FARP1: variants seen among roughly 807,000 people sequenced by gnomAD.
FARP1 encodes FERM, ARHGEF and pleckstrin domain-containing protein 1.
A neutral mutation model predicts 128.8 loss-of-function variants in FARP1; 52 were observed. The ratio of observed to expected loss-of-function variants is 0.40; its 90% CI spans 0.32 to 0.51. FARP1 has a LOEUF of 0.51. Among genes scored for constraint, FARP1 ranks in the 20% least tolerant of loss-of-function variants. The probability of loss-of-function intolerance (pLI) is 0.45; values close to 1 mark genes in which losing one functional copy is unlikely to be tolerated. For missense variants in FARP1, 1,333 were observed against 1,367.9 expected (o/e 0.97, Z 0.40); for synonymous variants, 580 against 551.8 (o/e 1.05, Z -0.72).
At position 98,210,000 on chromosome 13, in the gene FARP1, CATA is replaced by C. The variant is rs557345136; in HGVS notation, c.-23-3210_-23-3208del. On this transcript the variant is annotated intron_variant, in intron 1 of 26. Transcript: ENST00000319562. ...TTCCATTGCAAATAATAATAATAAT[CATA>C]ATAATAATAGTAAAATAAAATTAAT... Among the ~76,000 whole-genome samples the C allele has an allele frequency of 4.1e-3, 618 of 149,516 alleles. 7 individuals are homozygous for C. The highest frequency in any genetic ancestry group is 0.015 in the African/African-American group (606 of 40,704).
At chr13:98,374,043 C>T (rs1188357458) in intron 5 of FARP1, among the ~76,000 whole-genome samples, 1 of 152,204 alleles carries the variant, frequency 6.6e-6, no homozygotes, top group East Asian at 1.9e-4. Flanking sequence ...TCTATGCATA[C>T]ATATGTACTT....
chr13:98,407,273 A>C (rs1891016139), intron 13 of FARP1: 1 of 152,610 alleles, frequency 6.6e-6, no homozygotes, highest in African/African-American at 2.4e-5. Context: ...AAATGTTTTA[A>C]CCTCTAGACA....
intron 2 of FARP1, among the ~76,000 whole-genome samples, chr13:98,338,087 TCAA>T (rs1887816733): frequency 6.6e-6 from 1 of 152,236 alleles, no homozygotes; most frequent in Non-Finnish European, 1.5e-5. Flanking sequence ...GCCCTGTTCC[TCAA>T]CTACTTTTTC....
At chr13:98,196,307 T>A (rs2139251117) in intron 1 of FARP1, among the ~76,000 whole-genome samples, 1 of 152,256 alleles carries the variant, frequency 6.6e-6, no homozygotes, top group South Asian at 2.1e-4. Context: ...CCAAGCACTC[T>A]GGCACCAGCC....
At chr13:98,375,693 A>G (rs1196747841) in intron 5 of FARP1, among the ~76,000 whole-genome samples, 2 of 152,006 alleles carry the variant, frequency 1.3e-5, no homozygotes, top group Non-Finnish European at 1.5e-5. Context: ...CAGTGGTGCA[A>G]TCTCGGCTCA....
intron 2 of FARP1, chr13:98,244,874 A>G (rs1485177557): frequency 1.4e-6 from 2 of 1,436,638 alleles, no homozygotes; most frequent in Non-Finnish European, 1.8e-6. Context: ...GAAGCTGCAT[A>G]CAGAGGGGCC....
rs1893241403 is a variant in FARP1, at chr13:98,452,378, T to C, written c.*4061T>C. On this transcript the variant is annotated 3_prime_UTR_variant, in exon 27 of 27. Coordinates refer to ENST00000319562, the MANE Select transcript of FARP1 (RefSeq NM_005766.4). Reference sequence around the variant, plus strand: ...ATTTAAAGCTTCATGAGGCAAGATATGTTCCAATTTAAAACACTAAGAAAT... The same window carrying C: ...ATTTAAAGCTTCATGAGGCAAGATACGTTCCAATTTAAAACACTAAGAAAT... The C allele has an allele frequency of 6.6e-6, 1 of 152,536 alleles. No individual in the cohort carries two copies. The highest frequency in any genetic ancestry group is 1.5e-5 in the Non-Finnish European group (1 of 68,034). The allele number at this position is 152,536 out of a possible 1,614,324, so 9.4% of individuals were successfully genotyped here.
chr13:98,335,788 G>T (rs764630270), intron 2 of FARP1, among the ~76,000 whole-genome samples: 1 of 152,202 alleles, frequency 6.6e-6, no homozygotes, highest in Non-Finnish European at 1.5e-5. Flanking sequence ...GATGAGATGG[G>T]TCGAGAGTTG....
At chr13:98,253,987 C>T (rs1276629505) in intron 2 of FARP1, among the ~76,000 whole-genome samples, 6 of 152,084 alleles carry the variant, frequency 3.9e-5, no homozygotes, top group East Asian at 1.9e-4. Context: ...TGGGGCTCAT[C>T]GCATAGTTAT....
chr13:98,174,058 C>CA (rs1204018980), intron 1 of FARP1, among the ~76,000 whole-genome samples: 1 of 152,162 alleles, frequency 6.6e-6, no homozygotes, highest in Non-Finnish European at 1.5e-5. Context: ...ATGTTTATTT[C>CA]ATACATTAAT....
chr13:98,289,145 G>A (rs1434109412), intron 2 of FARP1, among the ~76,000 whole-genome samples: 1 of 152,122 alleles, frequency 6.6e-6, no homozygotes, highest in African/African-American at 2.4e-5. Flanking sequence ...TTAGTCCTAT[G>A]CCAAGACTTG....
At chr13:98,278,699 A>C (rs35751160) in intron 2 of FARP1, among the ~76,000 whole-genome samples, 25,058 of 152,218 alleles carry the variant, frequency 0.16, 2,240 homozygotes, top group Non-Finnish European at 0.2. Flanking sequence ...TCACTTCTAC[A>C]TTTCTACCTT....
chr13:98,411,625 A>T (rs2140119636), intron 15 of FARP1, among the ~76,000 whole-genome samples: 1 of 152,342 alleles, frequency 6.6e-6, no homozygotes, highest in Non-Finnish European at 1.5e-5. Flanking sequence ...TGATTCGAGT[A>T]GTTCCCCATT....
chr13:98,307,245 T>G (rs1886206648), intron 2 of FARP1, among the ~76,000 whole-genome samples: 1 of 152,224 alleles, frequency 6.6e-6, no homozygotes, highest in African/African-American at 2.4e-5. Context: ...GAAGGCAGTT[T>G]GGGTTGATAT....
intron 2 of FARP1, among the ~76,000 whole-genome samples, chr13:98,335,186 T>G (rs1227799142): frequency 6.6e-6 from 1 of 152,246 alleles, no homozygotes; most frequent in Non-Finnish European, 1.5e-5. Context: ...ATTTAGCTGG[T>G]TATTTTTGTA....
chr13:98,189,837 G>A (rs969379860), intron 1 of FARP1, among the ~76,000 whole-genome samples: 3 of 152,178 alleles, frequency 2.0e-5, no homozygotes, highest in African/African-American at 4.8e-5. Context: ...GTTGAGATTT[G>A]TGATTTCTAT....
rs1409924362 is a variant in FARP1 at position 98,143,830 on chromosome 13, C to G, written c.-24+338C>G. On this transcript the variant is annotated intron_variant, in intron 1 of 26. Coordinates refer to ENST00000319562, the MANE Select transcript of FARP1 (RefSeq NM_005766.4). ...CCCGGCGCCCTTCCCCCGTTTCCTT[C>G]CGTCCTACCCGCCCGCTGACAGCGC... 3.3e-5 allele frequency among the ~76,000 whole-genome samples: 5 copies of G among 151,916 alleles called. No homozygotes were observed. The East Asian group carries it at 9.8e-4, about 30-fold the overall frequency.
rs1376261476 is a variant in FARP1, at chr13:98,388,160, C to G, written c.760-223C>G. ...GGCTAGTTTCTTCTCTCCCTAGAGG[C>G]AGACTTAGTTTGTATGCCAAAATCC... On this transcript the variant is annotated intron_variant, in intron 8 of 26. Coordinates refer to ENST00000319562, the MANE Select transcript of FARP1 (RefSeq NM_005766.4). Among the ~76,000 whole-genome samples the G allele has an allele frequency of 5.3e-5, 8 of 152,172 alleles. No homozygotes were observed. The South Asian group carries it at 1.7e-3, about 32-fold the overall frequency.
At position 98,448,970 on chromosome 13, in the gene FARP1, T is replaced by C. The variant is rs1448727798; in HGVS notation, c.*653T>C. The C allele has an allele frequency of 6.6e-6, 1 of 152,192 alleles. No individual in the cohort carries two copies. The highest frequency in any genetic ancestry group is 1.5e-5 in the Non-Finnish European group (1 of 68,060). The allele number at this position is 152,192 out of a possible 1,614,324, so 9.4% of individuals were successfully genotyped here. A position where few individuals can be genotyped will look rare whatever the true frequency, so the allele number is the denominator to read the frequency against. On this transcript the variant is annotated 3_prime_UTR_variant, in exon 27 of 27. Coordinates refer to ENST00000319562, the MANE Select transcript of FARP1 (RefSeq NM_005766.4). ...TCTTGGTGCAAGTTGACCAAATCGT[T>C]TTAAGTGGTAACTCTTTCCAACCGT... is the stretch of plus-strand genomic sequence containing the variant.
Sources: gnomAD v4.1 joint callset for allele counts (sites outside exome capture counted in the v4.1 genomes callset) on GRCh38, gnomAD v4.1.1 for gene constraint, MANE v1.5 for transcripts, NCBI Gene and HGNC (gene_info 2026-07-23, HGNC 2026-07-21) for gene names.